CDC42BPG: variants seen among roughly 807,000 people sequenced by gnomAD.
The protein encoded by CDC42BPG is CDC42 binding protein kinase gamma.
A neutral mutation model predicts 192.2 loss-of-function variants in CDC42BPG; 157 were observed. The ratio of observed to expected loss-of-function variants is 0.82; its 90% confidence interval spans 0.72 to 0.93. The LOEUF (loss-of-function observed/expected upper bound fraction) is 0.93. CDC42BPG is among the 40% of genes least tolerant of loss of function. CDC42BPG has a pLI of 0.00. For synonymous variants in CDC42BPG, 981 were observed against 918.5 expected (o/e 1.07, Z -1.23); for missense variants, 1,992 against 2,122.1 (o/e 0.94, Z 1.20).
intron 16 of CDC42BPG, 22 bp downstream of exon 16, chr11:64,835,325 C>T (rs1472295348): frequency 6.2e-7 from 1 of 1,613,074 alleles, no homozygotes; most frequent in East Asian, 2.2e-5. Context: ...GTTGTACCCT[C>T]CGTCTGTTGT....
Position 64,830,908 on chromosome 11 carries a change from G to A in CDC42BPG, c.3304+597C>T, listed in dbSNP as rs1317721538. On this transcript the variant is annotated intron_variant, in intron 28 of 36. Transcript: ENST00000342711. ...GTGAGACAGCCAGGACTGAACCTTC[G>A]TTTCTCTCTTTCTAAAGCCTTTGTT... 5.9e-5 allele frequency among the ~76,000 whole-genome samples: 9 copies of A among 152,328 alleles called. No individual in the cohort carries two copies. In the South Asian group the frequency reaches 8.3e-4, roughly 14 times the overall value.
chr11:64,827,075 C>A lies in CDC42BPG; in HGVS notation c.4364G>T (p.Arg1455Leu). Residue 1455 changes from arginine (R) to leucine (L), a missense_variant, in exon 34 of 37, where the codon CGG (arginine) becomes CTG (leucine). By Grantham distance (102) the Arg-to-Leu change is moderately radical (BLOSUM62 -2). Coordinates refer to ENST00000342711, the MANE Select transcript of CDC42BPG (RefSeq NM_017525.3). ...CGGGGACTTGTCCCTGGCGCCGGGC[C>A]GCCCGTTGGCAGGGCCCACGTGTAC... Reference protein sequence around the residue: ...HLVHVGPANGRPGARDKSPAP... With the variant: ...HLVHVGPANGLPGARDKSPAP... 6.2e-7 allele frequency: 1 copy of A among 1,613,142 alleles called. No homozygotes were observed. The highest frequency in any genetic ancestry group is 8.5e-7 in the Non-Finnish European group (1 of 1,179,170).
At chr11:64,836,853 C>A (rs1368300405) in intron 10 of CDC42BPG, 34 bp from the exon 11 acceptor site, 1 of 1,610,630 alleles carries the variant, frequency 6.2e-7, no homozygotes, top group Non-Finnish European at 8.5e-7. Context: ...GGTGAGTCCA[C>A]TCCTCCATTC....
In CDC42BPG at chr11:64,836,272, G is replaced by A; in HGVS notation, c.1513C>T (p.Leu505=). 6.2e-7 allele frequency: 1 copy of A among 1,603,704 alleles called. No homozygotes were observed. Among genetic ancestry groups the A allele is most frequent in the Non-Finnish European group, 8.5e-7 (1 of 1,177,050 alleles). Residue 505 remains leucine, a synonymous_variant, in exon 13 of 37, where the codon CTG becomes TTG. Transcript: ENST00000342711. ...HRELAEGRAG[L]QAQEQELCRA... ...CAGAGCTCCTGCTCCTGAGCCTGCA[G>A]CCCTGCCCGACCCTCGGCCAGCTCC...
Position 64,823,528 on chromosome 11 carries a change from A to G in CDC42BPG, c.*945T>C, listed in dbSNP as rs542477173. 1 of 152,234 alleles carries G rather than the reference A, an allele frequency of 6.6e-6. No individual in the cohort carries two copies. The highest frequency in any genetic ancestry group is 1.5e-5 in the Non-Finnish European group (1 of 68,006). 9.4% of individuals were successfully genotyped at this position (152,234 alleles called of 1,614,324 possible). A position where few individuals can be genotyped will look rare whatever the true frequency, so the allele number is the denominator to read the frequency against. ...AAAAATAGTAATATAATAACAATAT[A>G]ATGACTGTGATCAATAGTAAAATGC... On this transcript the variant is annotated 3_prime_UTR_variant, in exon 37 of 37. Transcript: ENST00000342711.
At chr11:64,840,771 T>C in intron 3 of CDC42BPG, 123 bp from the exon 4 acceptor site, 1 of 795,878 alleles carries the variant, frequency 1.3e-6, no homozygotes, top group Non-Finnish European at 2.1e-6. Context: ...GTCATAGCTC[T>C]ACTGTCCCCT....
In CDC42BPG at chr11:64,834,335, T is replaced by C. The variant is rs1229883305; in HGVS notation, c.2344A>G (p.Lys782Glu). 1.9e-6 allele frequency: 3 copies of C among 1,573,902 alleles called. No homozygotes were observed. The highest frequency in any genetic ancestry group is 2.6e-6 in the Non-Finnish European group (3 of 1,163,990). The change falls in exon 20 of 37, where the codon AAG becomes GAG. Residue 782 changes from lysine to glutamate, a missense_variant. By Grantham distance (56) the Lys-to-Glu change is moderately conservative (BLOSUM62 1). Coordinates refer to ENST00000342711, the MANE Select transcript of CDC42BPG (RefSeq NM_017525.3). The stretch of plus-strand genomic sequence containing the variant: ...TCCTGTTGCAGGGCCTGGCTCTGCT[T>C]CTCGGCCTCCTGCAGACGGCTGGGG... ...QAERRLQEAE[K>E]QSQALQQELA...
At position 64,835,342 on chromosome 11, in the gene CDC42BPG, C is replaced by G; in HGVS notation, c.1953+5G>C. 1 of 1,613,996 alleles carries G rather than the reference C, an allele frequency of 6.2e-7. No homozygotes were observed. The highest frequency in any genetic ancestry group is 8.5e-7 in the Non-Finnish European group (1 of 1,179,982). On this transcript the variant is annotated splice_donor_5th_base_variant and intron_variant, in intron 16 of 36. Coordinates refer to ENST00000342711, the MANE Select transcript of CDC42BPG (RefSeq NM_017525.3). ...TGTACCCTCCGTCTGTTGTACCCTG[C>G]TCACCCGCTCCTGCTCCCGGCTCAG...
At chr11:64,843,327 G>A (rs1029031175) in intron 1 of CDC42BPG, among the ~76,000 whole-genome samples, 1 of 151,976 alleles carries the variant, frequency 6.6e-6, no homozygotes, top group Non-Finnish European at 1.5e-5. Context: ...ACACACACAC[G>A]TGTGTGGGTG....
At chr11:64,838,615 TAGG>T in intron 8 of CDC42BPG, 36 bp downstream of exon 8, 1 of 1,604,182 alleles carries the variant, frequency 6.2e-7, no homozygotes, top group Middle Eastern at 1.7e-4. Context: ...AACAAGGGGG[TAGG>T]GCAGCTCCCC....
At chr11:64,827,849 T>TGTG in intron 30 of CDC42BPG, 66 bp from the exon 31 acceptor site, 3 of 1,381,474 alleles carry the variant, frequency 2.2e-6, no homozygotes, top group Non-Finnish European at 2.0e-6. Context: ...CCTTGTCCCC[T>TGTG]GCCACAGCAC....
At position 64,829,614 on chromosome 11, in the gene CDC42BPG, C is replaced by T. The variant is rs764656818; in HGVS notation, c.3824G>A (p.Gly1275Asp). The T allele has an allele frequency of 1.9e-6, 3 of 1,611,568 alleles. No individual in the cohort carries two copies. The highest frequency in any genetic ancestry group is 2.7e-5 in the African/African-American group (2 of 74,938). The change falls in exon 30 of 37, where the codon GGC becomes GAC. Residue 1275 changes from glycine (G) to aspartate (D), a missense_variant. Transcript: ENST00000342711. ...VPEELPPSRG[G>D]LGEALGAVEL... ...CACGGCACCCAGTGCCTCACCCAGG[C>T]CCCCGCGGGATGGTGGCAGCTCCTC...
chr11:64,833,138 T>G, intron 24 of CDC42BPG, 93 bp downstream of exon 24: 1 of 1,252,670 alleles, frequency 8.0e-7, no homozygotes. Context: ...GACCAGCAGG[T>G]GCCAGTGACC....
rs749340424 is a variant in CDC42BPG at position 64,829,675 on chromosome 11, C to T, written c.3763G>A (p.Ala1255Thr). Residue 1255 changes from alanine (A) to threonine (T), a missense_variant, in exon 30 of 37, where the codon GCT (alanine) becomes ACT (threonine). Physicochemically the swap from Ala to Thr is moderately conservative, Grantham distance 58. Around this residue, in one of 2 missense-constraint regions of CDC42BPG, gnomAD observed 1,656 missense variants for 1,844.3 expected, o/e 0.90. Coordinates refer to ENST00000342711, the MANE Select transcript of CDC42BPG (RefSeq NM_017525.3). ...GFALYPLLNE[A>T]APLALGAGLV... ...CCGGCCCCCAGCGCCAACGGCGCAG[C>T]CTCGTTGAGCAGCGGGTAGAGTGCA... is the stretch of plus-strand genomic sequence containing the variant. 5 of 1,611,628 alleles carry T rather than the reference C, an allele frequency of 3.1e-6. No individual in the cohort carries two copies. In the African/African-American group the frequency reaches 6.7e-5, roughly 22 times the overall value.
At chr11:64,835,933 G>T in intron 13 of CDC42BPG, 82 bp from the exon 14 acceptor site, 1 of 1,385,496 alleles carries the variant, frequency 7.2e-7, no homozygotes, top group Non-Finnish European at 9.9e-7. Context: ...CTCCAGACCT[G>T]CCAGCCACAG....
intron 1 of CDC42BPG, among the ~76,000 whole-genome samples, chr11:64,844,045 A>G (rs910722690): frequency 6.6e-6 from 1 of 152,132 alleles, no homozygotes; most frequent in East Asian, 1.9e-4. Flanking sequence ...AGTGGGTGAC[A>G]TGCATGAGGG....
intron 26 of CDC42BPG, 24 bp downstream of exon 26, chr11:64,832,580 C>T (rs201752155): frequency 1.2e-6 from 2 of 1,614,024 alleles, no homozygotes; most frequent in South Asian, 2.2e-5. Context: ...AGTCCCTTGC[C>T]CCATGCCACT....
rs765818296 is a variant in CDC42BPG, at chr11:64,831,560, C to T, written c.3249G>A (p.Glu1083=). Residue 1083 remains glutamate, a synonymous_variant, in exon 28 of 37, where the codon GAG becomes GAA. Coordinates refer to ENST00000342711, the MANE Select transcript of CDC42BPG (RefSeq NM_017525.3). The stretch of plus-strand genomic sequence containing the variant: ...GCAGCGGCAGCCCGTTGTCGTAAGC[C>T]TCCTTGAGTGTGTACACGGGCCGGG... The part of the protein sequence containing the change: ...PRPRPVYTLK[E]AYDNGLPLLP... 5.0e-6 allele frequency: 8 copies of T among 1,612,628 alleles called. No homozygotes were observed. The highest frequency in any genetic ancestry group is 6.8e-6 in the Non-Finnish European group (8 of 1,179,838).
chr11:64,827,563 T>C lies in CDC42BPG; in HGVS notation c.4114A>G (p.Lys1372Glu), dbSNP rs766303696. ...EGSLFLYGTE[K>E]VRLTYLRNQL... ...TTCCTGAGGTAGGTCAGGCGGACCT[T>C]CTCGGTGCCGTAGAGGAACAGGGAG... The change falls in exon 32 of 37, where the codon AAG becomes GAG. Residue 1372 changes from lysine to glutamate, a missense_variant. This residue lies in a region of CDC42BPG where 336 missense variants were observed against 277.9 expected (regional missense o/e 1.21). Coordinates refer to ENST00000342711, the MANE Select transcript of CDC42BPG (RefSeq NM_017525.3). 5.6e-6 allele frequency: 9 copies of C among 1,612,496 alleles called. No homozygotes were observed. The highest frequency in any genetic ancestry group is 7.6e-6 in the Non-Finnish European group (9 of 1,179,162).
Sources: allele counts gnomAD v4.1 joint callset (sites outside exome capture counted in the v4.1 genomes callset), GRCh38; gene constraint gnomAD v4.1.1; regional missense constraint gnomAD v4.1.1; transcripts MANE v1.5; gene names NCBI Gene and HGNC (gene_info 2026-07-23, HGNC 2026-07-21).